NRF1: variants seen among roughly 807,000 people sequenced by gnomAD.
The protein encoded by NRF1 is nuclear respiratory factor 1, also known as alpha palindromic-binding protein.
NRF1 carries 5 observed loss-of-function variants against 58.5 expected under a neutral mutation model. The ratio of observed to expected loss-of-function variants is 0.09; its 90% CI spans 0.04 to 0.18. The LOEUF is 0.18. NRF1 is among the 10% of genes least tolerant of loss of function. The pLI is 1.00. For synonymous variants in NRF1, 224 were observed against 246.7 expected (o/e 0.91, Z 0.86); for missense variants, 288 against 657.7 (o/e 0.44, Z 6.15).
chr7:129,697,542 A>G (rs553970589), intron 5 of NRF1, among the ~76,000 whole-genome samples: 130 of 151,282 alleles, frequency 8.6e-4, no homozygotes, highest in African/African-American at 2.8e-3. Flanking sequence ...AGTGAGACGC[A>G]GTCTCAAAAA....
chr7:129,671,078 C>G (rs112863246), intron 2 of NRF1, among the ~76,000 whole-genome samples: 19 of 152,284 alleles, frequency 1.2e-4, no homozygotes, highest in African/African-American at 4.6e-4. Context: ...AACTTCTCCT[C>G]TCAGTGCTAC....
At chr7:129,634,086 T>C (rs1456740992) in intron 1 of NRF1, among the ~76,000 whole-genome samples, 1 of 131,600 alleles carries the variant, frequency 7.6e-6, no homozygotes, top group East Asian at 2.7e-4. Context: ...ACACACACAC[T>C]TTATTTTTTA....
intron 3 of NRF1, among the ~76,000 whole-genome samples, chr7:129,672,499 G>A (rs746097392): frequency 6.6e-6 from 1 of 152,146 alleles, no homozygotes; most frequent in Non-Finnish European, 1.5e-5. Flanking sequence ...ATACAAGAAT[G>A]GAATCAGGGA....
intron 10 of NRF1, among the ~76,000 whole-genome samples, chr7:129,736,730 CT>C (rs1453461635): frequency 6.6e-6 from 1 of 150,916 alleles, no homozygotes; most frequent in Non-Finnish European, 1.5e-5. Flanking sequence ...ACCCCCACCC[CT>C]GTTCATCTCC....
chr7:129,633,782 TAAGTG>T (rs1801101977), intron 1 of NRF1: 1 of 118,134 alleles, frequency 8.5e-6, no homozygotes, highest in South Asian at 3.1e-4. Flanking sequence ...TTATTAACTA[TAAGTG>T]ATGTGTGTGT....
chr7:129,614,863 A>G lies in NRF1; in HGVS notation c.-7+3039A>G, dbSNP rs149525581. On this transcript the variant is annotated intron_variant, in intron 1 of 10. Transcript: ENST00000393232. ...CGAAGGCCAACTTCCCATGATTTAA[A>G]TACCTGAATTTGCATTGCCTGCACA... Among the ~76,000 whole-genome samples the G allele has an allele frequency of 7.6e-3, 1,156 of 152,206 alleles. 15 individuals carry two copies. The highest frequency in any genetic ancestry group is 0.026 in the African/African-American group (1,100 of 41,520).
At position 129,755,247 on chromosome 7, in the gene NRF1, G is replaced by T; in HGVS notation, c.*66G>T. On this transcript the variant is annotated 3_prime_UTR_variant, in exon 11 of 11. Coordinates refer to ENST00000393232, the MANE Select transcript of NRF1 (RefSeq NM_005011.5). The surrounding 1 kb of genome is among the most constrained non-coding windows in gnomAD (Gnocchi z 5.8). Reference sequence around the variant, plus strand: ...AAATTTTTTACACGTTTGCAGAGGTGCAATCAAATGGAATTAAGTCTCTCG... The same window carrying T: ...AAATTTTTTACACGTTTGCAGAGGTTCAATCAAATGGAATTAAGTCTCTCG... The T allele has an allele frequency of 7.5e-7, 1 of 1,336,350 alleles. No homozygotes were observed. The highest frequency in any genetic ancestry group is 1.8e-5 in the South Asian group (1 of 55,766). The allele number at this position is 1,336,350 out of a possible 1,614,324, so 82.8% of individuals were successfully genotyped here. A position where few individuals can be genotyped will look rare whatever the true frequency, so the allele number is the denominator to read the frequency against.
intron 10 of NRF1, among the ~76,000 whole-genome samples, chr7:129,728,279 G>A (rs1252868035): frequency 6.6e-6 from 1 of 152,120 alleles, no homozygotes; most frequent in Non-Finnish European, 1.5e-5. Context: ...AGCACTTTGG[G>A]AAGCCAAAGT....
intron 1 of NRF1, among the ~76,000 whole-genome samples, chr7:129,646,052 G>A (rs1801398869): frequency 6.6e-6 from 1 of 152,142 alleles, no homozygotes; most frequent in Admixed American, 6.5e-5. Context: ...GTTTCATCAT[G>A]TTGGCCAGGC....
chr7:129,705,771 A>G (rs1802935082), intron 5 of NRF1, among the ~76,000 whole-genome samples: 1 of 152,094 alleles, frequency 6.6e-6, no homozygotes, highest in Non-Finnish European at 1.5e-5. Context: ...AAAAAAGAAA[A>G]GAAGGAAAAG....
chr7:129,710,989 C>T (rs1803060507), intron 7 of NRF1, among the ~76,000 whole-genome samples: 2 of 151,302 alleles, frequency 1.3e-5, no homozygotes, highest in Admixed American at 1.3e-4. Context: ...TGCTATGTTG[C>T]CCAGGCTGGT....
chr7:129,630,533 TAAAAC>T (rs1241210318), intron 1 of NRF1, among the ~76,000 whole-genome samples: 5 of 152,212 alleles, frequency 3.3e-5, no homozygotes, highest in Non-Finnish European at 5.9e-5. Context: ...AGGTGAATGT[TAAAAC>T]AAATCATTTT....
intron 1 of NRF1, among the ~76,000 whole-genome samples, chr7:129,653,440 C>CA (rs1244812187): frequency 1.3e-5 from 2 of 152,188 alleles, no homozygotes; most frequent in Non-Finnish European, 2.9e-5. Flanking sequence ...GATGAGCCCA[C>CA]ATTGACACGT....
At chr7:129,687,160 C>G (rs112079625) in intron 4 of NRF1, among the ~76,000 whole-genome samples, 4 of 152,134 alleles carry the variant, frequency 2.6e-5, no homozygotes, top group African/African-American at 9.6e-5. Context: ...TGTGTTTTTT[C>G]ATGTAATATT....
Position 129,690,466 on chromosome 7 carries a change from C to T in NRF1, c.526C>T (p.Pro176Ser). 6.2e-7 allele frequency: 1 copy of T among 1,614,150 alleles called. No homozygotes were observed. The highest frequency in any genetic ancestry group is 1.1e-5 in the South Asian group (1 of 91,080). Residue 176 changes from proline (P) to serine (S), a missense_variant, in exon 5 of 11, where the codon CCT (proline) becomes TCT (serine). Physicochemically the swap from Pro to Ser is moderately conservative, Grantham distance 74. This residue lies in a region of NRF1 where 212 missense variants were observed against 559.7 expected (regional missense o/e 0.38). Transcript: ENST00000393232. ...DLESALAEHAPAPQEVNSELP... is the reference protein window; with the variant it reads ...DLESALAEHASAPQEVNSELP... ...GGAGTCTGCTCTGGCAGAACACGCC[C>T]CTGCGCCACAGGAGGTTAACTCAGA...
At chr7:129,720,521 C>G (rs1803298274) in intron 9 of NRF1, among the ~76,000 whole-genome samples, 1 of 152,198 alleles carries the variant, frequency 6.6e-6, no homozygotes, top group African/African-American at 2.4e-5. Flanking sequence ...CCTCTTGCAG[C>G]TTGCTCTGTT....
At chr7:129,720,323 C>G in intron 9 of NRF1, among the ~76,000 whole-genome samples, 1 of 152,128 alleles carries the variant, frequency 6.6e-6, no homozygotes, top group East Asian at 1.9e-4. Flanking sequence ...ATGTCTTAGT[C>G]AGGAGGGTTG....
chr7:129,699,224 A>C (rs995774859), intron 5 of NRF1, among the ~76,000 whole-genome samples: 1 of 152,170 alleles, frequency 6.6e-6, no homozygotes, highest in Non-Finnish European at 1.5e-5. Context: ...AGTTATTCAC[A>C]CGGCTTTTGA....
intron 1 of NRF1, among the ~76,000 whole-genome samples, chr7:129,650,329 A>G (rs1474586416): frequency 6.6e-6 from 1 of 151,862 alleles, no homozygotes; most frequent in Non-Finnish European, 1.5e-5. Context: ...CAGAGGAATC[A>G]CTCTCAAGTC....
Sources: allele counts gnomAD v4.1 joint callset (sites outside exome capture counted in the v4.1 genomes callset), GRCh38; gene constraint gnomAD v4.1.1; regional missense constraint gnomAD v4.1.1; non-coding constraint Gnocchi (gnomAD v3.1); transcripts MANE v1.5; gene names NCBI Gene and HGNC (gene_info 2026-07-23, HGNC 2026-07-21).